Variants in OXR1 observed in about 807,000 individuals in gnomAD.
OXR1 encodes the protein oxidation resistance protein 1.
In OXR1, 41 loss-of-function variants were observed where a neutral mutation model predicts 104.6. The observed-to-expected ratio is 0.39, with a 90% CI of 0.31 to 0.51. The LOEUF (loss-of-function observed/expected upper bound fraction) is 0.51, where lower values mean the gene tolerates loss of function less well. OXR1 is among the 20% of genes least tolerant of loss of function. The pLI is 0.77. For synonymous variants in OXR1, 348 were observed against 348.4 expected, an observed-to-expected ratio of 1.00 and a Z score of 0.01; for missense variants, 955 against 1,031.9, an observed-to-expected ratio of 0.93 and a Z score of 1.02.
chr8:106,683,724 A>G (rs1828411379), intron 5 of OXR1, among the ~76,000 whole-genome samples: 1 of 152,098 alleles, frequency 6.6e-6, no homozygotes, highest in African/African-American at 2.4e-5. Flanking sequence ...TTTAACTTTG[A>G]TTCTTGGAAA....
chr8:106,330,263 T>C (rs903072767), intron 1 of OXR1, among the ~76,000 whole-genome samples: 2 of 152,228 alleles, frequency 1.3e-5, no homozygotes, highest in African/African-American at 4.8e-5. Context: ...TTTCTCAAAA[T>C]TGAATTGACT....
At chr8:106,671,469 G>A (rs1167180227) in intron 3 of OXR1, among the ~76,000 whole-genome samples, 1 of 152,126 alleles carries the variant, frequency 6.6e-6, no homozygotes, top group Non-Finnish European at 1.5e-5. Context: ...TAACATCCTT[G>A]CATTGTCTGG....
intron 2 of OXR1, among the ~76,000 whole-genome samples, chr8:106,455,489 C>T (rs981382690): frequency 1.3e-5 from 2 of 152,158 alleles, no homozygotes; most frequent in Non-Finnish European, 2.9e-5. Context: ...AATGCATGTC[C>T]TTTAAAACTG....
In OXR1 at chr8:106,339,539, T is replaced by A. The variant is rs1229413333; in HGVS notation, c.-138-19937T>A. Among the ~76,000 whole-genome samples, 270 of 103,554 alleles carry A rather than the reference T, an allele frequency of 2.6e-3. 7 individuals are homozygous for A. Among genetic ancestry groups the A allele is most frequent in the African/African-American group, 7.0e-3 (159 of 22,678 alleles). The allele number at this position is 103,554 out of a possible 152,430, so 67.9% of individuals were successfully genotyped here. A position where few individuals can be genotyped will look rare whatever the true frequency, so the allele number is the denominator to read the frequency against. On this transcript the variant is annotated intron_variant, in intron 1 of 16. Transcript: ENST00000517566. ...AAAAAAATATATATATATATATATA[T>A]ATATATATATATATATAAAACGAAA...
intron 3 of OXR1, among the ~76,000 whole-genome samples, chr8:106,640,773 G>T (rs1486520105): frequency 6.6e-6 from 1 of 152,070 alleles, no homozygotes; most frequent in Non-Finnish European, 1.5e-5. Context: ...TTTTGCCAGT[G>T]ATTCAATGTT....
intron 12 of OXR1, among the ~76,000 whole-genome samples, chr8:106,738,957 ATAGT>A (rs1169159187): frequency 6.6e-6 from 1 of 152,098 alleles, no homozygotes; most frequent in Non-Finnish European, 1.5e-5. Context: ...CTCACAGAAA[ATAGT>A]TATTTTTTTT....
At chr8:106,673,844 G>A (rs1784494) in intron 3 of OXR1, among the ~76,000 whole-genome samples, 92,202 of 152,138 alleles carry the variant, frequency 0.61, 28,816 homozygotes, top group African/African-American at 0.76. Flanking sequence ...GGCGGTTTAC[G>A]TGCGGTGGTG....
At chr8:106,364,874 A>G (rs1816400862) in intron 2 of OXR1, among the ~76,000 whole-genome samples, 2 of 152,194 alleles carry the variant, frequency 1.3e-5, no homozygotes, top group African/African-American at 4.8e-5. Context: ...AAAAATTGCT[A>G]TAGCCACTGT....
chr8:106,738,217 A>G (rs1425298118), intron 12 of OXR1, among the ~76,000 whole-genome samples: 1 of 152,098 alleles, frequency 6.6e-6, no homozygotes, highest in Admixed American at 6.5e-5. Flanking sequence ...TGTCTATTAT[A>G]CTGTGTTTCT....
intron 4 of OXR1, among the ~76,000 whole-genome samples, chr8:106,681,816 T>C (rs1258245711): frequency 6.6e-6 from 1 of 152,188 alleles, no homozygotes; most frequent in African/African-American, 2.4e-5. Context: ...TGACCCACCA[T>C]GTCTGACCTC....
intron 3 of OXR1, chr8:106,658,268 G>T: frequency 8.2e-7 from 1 of 1,221,488 alleles, no homozygotes. Flanking sequence ...CGCCGGGCGG[G>T]GGTCGCTGCC....
At chr8:106,501,274 C>T (rs1811789257) in intron 2 of OXR1, among the ~76,000 whole-genome samples, 1 of 152,122 alleles carries the variant, frequency 6.6e-6, no homozygotes, top group African/African-American at 2.4e-5. Flanking sequence ...CAGGCAACTG[C>T]CACCACGCCT....
At chr8:106,614,095 T>C (rs968687344) in intron 3 of OXR1, among the ~76,000 whole-genome samples, 2 of 152,248 alleles carry the variant, frequency 1.3e-5, no homozygotes, top group African/African-American at 4.8e-5. Flanking sequence ...AAAAGTGCTT[T>C]TATAATCCTA....
chr8:106,650,633 T>C (rs1241608597), intron 3 of OXR1, among the ~76,000 whole-genome samples: 1 of 152,188 alleles, frequency 6.6e-6, no homozygotes, highest in East Asian at 1.9e-4. Context: ...ATGCATATTA[T>C]ACACACAGTG....
At chr8:106,484,517 T>G (rs1040913334) in intron 2 of OXR1, among the ~76,000 whole-genome samples, 2 of 152,000 alleles carry the variant, frequency 1.3e-5, no homozygotes, top group African/African-American at 4.8e-5. Flanking sequence ...TCAAAGATCT[T>G]AACACCACAC....
At chr8:106,630,732 A>C (rs1365737338) in intron 3 of OXR1, among the ~76,000 whole-genome samples, 1 of 152,224 alleles carries the variant, frequency 6.6e-6, no homozygotes, top group East Asian at 1.9e-4. Flanking sequence ...AAAAAGTGAA[A>C]ACCTTTTAGC....
rs559469158 is a variant in OXR1, at chr8:106,690,619, A to G, written c.526-2109A>G. 2.3e-3 allele frequency among the ~76,000 whole-genome samples: 352 copies of G among 150,936 alleles called. 2 individuals are homozygous for G. Among genetic ancestry groups the G allele is most frequent in the African/African-American group, 7.9e-3 (328 of 41,280 alleles). ...GATTCCAGATGGAAACATTATTTCC[A>G]TAATTAGAATTAAAAATTGATCCCG... On this transcript the variant is annotated intron_variant, in intron 6 of 16. Transcript: ENST00000517566.
chr8:106,552,114 T>A (rs1418671359), intron 3 of OXR1, among the ~76,000 whole-genome samples: 1 of 151,882 alleles, frequency 6.6e-6, no homozygotes, highest in East Asian at 1.9e-4. Flanking sequence ...TAATCATTTG[T>A]ACCGAATCAG....
intron 3 of OXR1, among the ~76,000 whole-genome samples, chr8:106,648,433 T>C (rs1824266018): frequency 6.6e-6 from 1 of 152,230 alleles, no homozygotes; most frequent in Non-Finnish European, 1.5e-5. Context: ...GTTCTAATTA[T>C]TTTTAGGTTA....
Sources: allele counts gnomAD v4.1 joint callset (sites outside exome capture counted in the v4.1 genomes callset), GRCh38; gene constraint gnomAD v4.1.1; transcripts MANE v1.5; gene names NCBI Gene and HGNC (gene_info 2026-07-23, HGNC 2026-07-21).